Variants in POLD1 observed in about 807,000 individuals in gnomAD.
The protein encoded by POLD1 is DNA polymerase delta catalytic subunit.
Under a neutral mutation model 129.7 loss-of-function variants are expected in POLD1, and 79 were observed. The observed-to-expected ratio is 0.61, with a 90% confidence interval of 0.51 to 0.73. The LOEUF (loss-of-function observed/expected upper bound fraction) is 0.73, where lower values mean the gene tolerates loss of function less well. POLD1 is among the 30% of genes least tolerant of loss of function. The pLI is 0.00. For synonymous variants in POLD1, 714 were observed against 683.3 expected, an observed-to-expected ratio of 1.04 and a Z score of -0.70; for missense variants, 1,338 against 1,595.8, an observed-to-expected ratio of 0.84 and a Z score of 2.75.
At chr19:50,407,868 G>A (rs1263423315) in intron 14 of POLD1, among the ~76,000 whole-genome samples, 1 of 147,954 alleles carries the variant, frequency 6.8e-6, no homozygotes, top group African/African-American at 2.5e-5. Context: ...CACCGTGCCC[G>A]GCCGAAAAAA....
intron 10 of POLD1, 46 bp downstream of exon 10, chr19:50,403,643 T>TGGCCTCCGGGCCCTG: frequency 1.6e-6 from 2 of 1,249,306 alleles, no homozygotes; most frequent in Non-Finnish European, 2.4e-6. Flanking sequence ...GCCCCAGGTG[T>TGGCCTCCGGGCCCTG]GGCCTCCGGG....
At chr19:50,391,321 C>T (rs1438095296) in intron 1 of POLD1, among the ~76,000 whole-genome samples, 2 of 151,020 alleles carry the variant, frequency 1.3e-5, no homozygotes, top group Non-Finnish European at 2.9e-5. Flanking sequence ...GCTGCAATCT[C>T]GGCACTTTGG....
chr19:50,416,465 AAGCCCCTCCTGCGCATCTTCG>A lies in POLD1; in HGVS notation c.2896_2916del (p.Leu966_Pro972del). On this transcript the variant is annotated inframe_deletion, in exon 23 of 27. Transcript: ENST00000440232. ...GTACTACCTGGAGCAGCAGCTGGCC[AAGCCCCTCCTGCGCATCTTCG>A]AGCCCATCCTGGGCGAGGGCCGTGC... 1 of 1,550,844 alleles carries A rather than the reference AAGCCCCTCCTGCGCATCTTCG, an allele frequency of 6.4e-7. No homozygotes were observed. Among genetic ancestry groups the A allele is most frequent in the Non-Finnish European group, 8.7e-7 (1 of 1,147,816 alleles).
intron 14 of POLD1, among the ~76,000 whole-genome samples, chr19:50,407,687 C>T (rs941925340): frequency 1.3e-5 from 2 of 150,176 alleles, no homozygotes; most frequent in African/African-American, 4.9e-5. Flanking sequence ...GTCTCCACAG[C>T]AGCTGGGACT....
chr19:50,417,138 C>A (rs199899233), intron 25 of POLD1, 34 bp from the exon 26 acceptor site: 2 of 1,569,502 alleles, frequency 1.3e-6, no homozygotes, highest in Non-Finnish European at 8.6e-7. Context: ...GGTGGGGAGG[C>A]GGGGGCGCCC....
At chr19:50,415,885 C>A (rs545336888) in intron 22 of POLD1, 59 bp downstream of exon 22, 1 of 1,252,720 alleles carries the variant, frequency 8.0e-7, no homozygotes, top group Non-Finnish European at 1.1e-6. Context: ...TTCTGCTTTC[C>A]GAGATGGGCG....
At chr19:50,390,554 C>G (rs1301185401) in intron 1 of POLD1, among the ~76,000 whole-genome samples, 1 of 150,844 alleles carries the variant, frequency 6.6e-6, no homozygotes, top group African/African-American at 2.5e-5. Flanking sequence ...GCACATTCTA[C>G]AGTTATTCTT....
intron 17 of POLD1, among the ~76,000 whole-genome samples, chr19:50,410,517 A>G: frequency 6.6e-6 from 1 of 152,106 alleles, no homozygotes; most frequent in East Asian, 1.9e-4. Flanking sequence ...AGGTTCAGTG[A>G]TTCACTAGAA....
At chr19:50,384,936 C>T (rs912322492) in intron 1 of POLD1, among the ~76,000 whole-genome samples, 1 of 152,130 alleles carries the variant, frequency 6.6e-6, no homozygotes, top group African/African-American at 2.4e-5. Flanking sequence ...CTGGGACCCT[C>T]AAGTGCAAAG....
chr19:50,413,652 C>G, intron 18 of POLD1, 90 bp from the exon 19 acceptor site: 6 of 1,541,772 alleles, frequency 3.9e-6, no homozygotes, highest in Non-Finnish European at 5.3e-6. Flanking sequence ...CCTTGGGTCC[C>G]GTTGGCATTA....
In POLD1 at chr19:50,409,183, C is replaced by A. The variant is rs756335769; in HGVS notation, c.1954C>A (p.Arg652=). Residue 652 remains arginine (R), a synonymous_variant, in exon 16 of 27, where the codon CGG becomes AGG. Transcript: ENST00000440232. This position sits in a 1 kb window ranked among gnomAD's most constrained non-coding sequence, Gnocchi z 5.8. ...TGDEFVKTSV[R]KGLLPQILEN... is the part of the protein sequence containing the mutation. The stretch of plus-strand genomic sequence containing the variant: ...GGACGAGTTTGTGAAGACCTCAGTG[C>A]GGAAGGGGCTGCTGCCCCAGATCCT... The A allele has an allele frequency of 3.1e-6, 5 of 1,613,586 alleles. No individual in the cohort carries two copies. Among genetic ancestry groups the A allele is most frequent in the Non-Finnish European group, 4.2e-6 (5 of 1,179,612 alleles).
intron 17 of POLD1, 43 bp from the exon 18 acceptor site, chr19:50,413,383 A>G (rs753233292): frequency 3.9e-6 from 6 of 1,547,270 alleles, no homozygotes; most frequent in Non-Finnish European, 5.3e-6. Flanking sequence ...TTCACTGCAC[A>G]TGGCCCCCAG....
Position 50,401,867 on chromosome 19 carries a change from T to C in POLD1, c.406T>C (p.Ser136Pro). The change falls in exon 4 of 27, where the codon TCT (serine) becomes CCT (proline). Residue 136 changes from serine to proline, a missense_variant. Physicochemically the swap from Ser to Pro is moderately conservative, Grantham distance 74. Transcript: ENST00000440232. ...CTTCGGGGTCACCGATGAGGGGTTCTCTGTCTGCTGCCACATCCACGGCTT... is the reference window on the plus strand; with the variant it reads ...CTTCGGGGTCACCGATGAGGGGTTCCCTGTCTGCTGCCACATCCACGGCTT... ...RAFGVTDEGF[S>P]VCCHIHGFAP... 6.2e-7 allele frequency: 1 copy of C among 1,614,046 alleles called. No individual in the cohort carries two copies. Among genetic ancestry groups the C allele is most frequent in the Non-Finnish European group, 8.5e-7 (1 of 1,179,966 alleles).
Position 50,416,519 on chromosome 19 carries a change from G to A in POLD1, c.2944G>A (p.Val982Met), listed in dbSNP as rs2122492622. ...PILGEGRAEA[V>M]LLRGDHTRCK... Reference sequence around the variant, plus strand: ...CCTGGGCGAGGGCCGTGCCGAGGCTGTGCTACTGCGTACGGGGGCACCAGG... The same window carrying A: ...CCTGGGCGAGGGCCGTGCCGAGGCTATGCTACTGCGTACGGGGGCACCAGG... The change falls in exon 23 of 27, where the codon GTG becomes ATG. Residue 982 changes from valine (V) to methionine (M), a missense_variant. Around this residue, in one of 3 missense-constraint regions of POLD1, gnomAD observed 286 missense variants for 277.5 expected, o/e 1.03. Coordinates refer to ENST00000440232, the MANE Select transcript of POLD1 (RefSeq NM_002691.4). The A allele has an allele frequency of 6.4e-7, 1 of 1,552,970 alleles. No individual in the cohort carries two copies. Among genetic ancestry groups the A allele is most frequent in the Non-Finnish European group, 8.7e-7 (1 of 1,150,058 alleles).
In POLD1 at chr19:50,399,371, G is replaced by A. The variant is rs144707871; in HGVS notation, c.203G>A (p.Gly68Glu). ...CCACTTCCTTCCCTTCCCCCACCAG[G>A]GCAGGTCCCACCATCAGCCATAGAT... ...LQSVLEGVAD[G>E]QVPPSAIDPR... is the part of the protein sequence containing the mutation. The change falls in exon 3 of 27, where the codon GGG (glycine) becomes GAG (glutamate). Residue 68 changes from glycine (G) to glutamate (E), a missense_variant and splice_region_variant. By Grantham distance (98) the Gly-to-Glu change is moderately conservative. Transcript: ENST00000440232. 6.3e-5 allele frequency: 102 copies of A among 1,611,816 alleles called. No individual in the cohort carries two copies. Among genetic ancestry groups the A allele is most frequent in the Non-Finnish European group, 8.2e-5 (97 of 1,178,072 alleles).
rs2039306898 is a variant in POLD1, at chr19:50,416,636, G to A, written c.2980G>A (p.Val994Met). ...LRGDHTRCKT[V>M]LTGKVGGLLA... The stretch of plus-strand genomic sequence containing the variant: ...GGGGGACCACACGCGCTGCAAGACG[G>A]TGCTCACGGGCAAGGTGGGCGGCCT... Residue 994 changes from valine to methionine, a missense_variant, in exon 24 of 27, where the codon GTG (valine) becomes ATG (methionine). Val to Met is a conservative substitution (Grantham distance 21, BLOSUM62 1). Coordinates refer to ENST00000440232, the MANE Select transcript of POLD1 (RefSeq NM_002691.4). The A allele has an allele frequency of 6.4e-7, 1 of 1,565,946 alleles. No individual in the cohort carries two copies. The highest frequency in any genetic ancestry group is 8.6e-7 in the Non-Finnish European group (1 of 1,159,842).
rs3219408 is a variant in POLD1, at chr19:50,409,436, G to C, written c.2007-83G>C. 6.3e-7 allele frequency: 1 copy of C among 1,579,424 alleles called. No individual in the cohort carries two copies. ...TGTGCAGTGCACAGTACGCCCAACC[G>C]TACATGGCACTCACTTCCAGAAAGG... On this transcript the variant is annotated intron_variant, in intron 16 of 26. Transcript: ENST00000440232. This position sits in a 1 kb window ranked among gnomAD's most constrained non-coding sequence, Gnocchi z 5.8.
At position 50,416,740 on chromosome 19, in the gene POLD1, A is replaced by G. The variant is rs1011244853; in HGVS notation, c.3067+17A>G. ...GCCACCAGGGTGAGCGGCCCTGGCC[A>G]CTGGGCCCCCACTGGCCCTCAACCT... On this transcript the variant is annotated intron_variant, in intron 24 of 26. Coordinates refer to ENST00000440232, the MANE Select transcript of POLD1 (RefSeq NM_002691.4). The G allele has an allele frequency of 1.3e-6, 2 of 1,501,356 alleles. No individual in the cohort carries two copies. The highest frequency in any genetic ancestry group is 1.8e-6 in the Non-Finnish European group (2 of 1,116,940). 93.0% of individuals were successfully genotyped at this position (1,501,356 alleles called of 1,614,324 possible).
chr19:50,414,776 C>G (rs2039212208), intron 19 of POLD1, 39 bp from the exon 20 acceptor site: 1 of 1,451,610 alleles, frequency 6.9e-7, no homozygotes, highest in African/African-American at 1.4e-5. Context: ...GGGGCTTGGC[C>G]TCCTCAGGCT....
Sources: allele counts gnomAD v4.1 joint callset (sites outside exome capture counted in the v4.1 genomes callset), GRCh38; gene constraint gnomAD v4.1.1; regional missense constraint gnomAD v4.1.1; non-coding constraint Gnocchi (gnomAD v3.1); transcripts MANE v1.5; gene names NCBI Gene and HGNC (gene_info 2026-07-23, HGNC 2026-07-21).